The following MDGA2 variants were observed in gnomAD, a reference collection of about 807,000 sequenced individuals.
The protein encoded by MDGA2 is MAM domain-containing glycosylphosphatidylinositol anchor protein 2.
Under a neutral mutation model 117.8 loss-of-function variants are expected in MDGA2, and 40 were observed. The ratio of observed to expected loss-of-function variants is 0.34; its 90% confidence interval spans 0.26 to 0.44. The LOEUF is 0.44. Among genes scored for constraint, MDGA2 ranks in the 20% least tolerant of loss-of-function variants. The pLI is 1.00. For missense variants in MDGA2, 1,123 were observed against 1,250.6 expected, an observed-to-expected ratio of 0.90 and a Z score of 1.54; for synonymous variants, 452 against 439.0, an observed-to-expected ratio of 1.03 and a Z score of -0.37.
At chr14:47,043,864 T>C (rs35774341) in intron 7 of MDGA2, among the ~76,000 whole-genome samples, 48,715 of 151,980 alleles carry the variant, frequency 0.32, 8,540 homozygotes, top group East Asian at 0.52. Context: ...TTCTTTAAGG[T>C]CCAATTTAAG....
Position 46,874,034 on chromosome 14 carries a change from T to C in MDGA2, c.2593+11A>G, listed in dbSNP as rs548198016. The C allele has an allele frequency of 3.3e-5, 51 of 1,528,758 alleles. No individual in the cohort carries two copies. Among genetic ancestry groups the C allele is most frequent in the Non-Finnish European group, 3.1e-5 (36 of 1,147,346 alleles). 94.7% of individuals were successfully genotyped at this position (1,528,758 alleles called of 1,614,324 possible). On this transcript the variant is annotated intron_variant, in intron 13 of 16. Coordinates refer to ENST00000399232, the MANE Select transcript of MDGA2 (RefSeq NM_001113498.3). ...TGATTGCTATGAACACAAAAGGTCA[T>C]ACCCCCATACCTTCTTTGGAGCCAC...
intron 10 of MDGA2, among the ~76,000 whole-genome samples, chr14:46,918,289 AT>A (rs1883977534): frequency 6.6e-6 from 1 of 152,106 alleles, no homozygotes; most frequent in Non-Finnish European, 1.5e-5. Flanking sequence ...TAACAAAAAA[AT>A]GAATATGAAT....
At chr14:47,307,231 A>C (rs1256264607) in intron 1 of MDGA2, among the ~76,000 whole-genome samples, 2 of 151,658 alleles carry the variant, frequency 1.3e-5, no homozygotes, top group African/African-American at 4.9e-5. Flanking sequence ...ATTACATGAG[A>C]TCTCCCCCAC....
chr14:47,355,265 A>G (rs1890968330), intron 1 of MDGA2, among the ~76,000 whole-genome samples: 1 of 152,174 alleles, frequency 6.6e-6, no homozygotes, highest in East Asian at 1.9e-4. Flanking sequence ...TGAGGACCCA[A>G]AGGTATCAGG....
At chr14:47,604,119 C>T (rs1896697262) in intron 1 of MDGA2, among the ~76,000 whole-genome samples, 1 of 152,102 alleles carries the variant, frequency 6.6e-6, no homozygotes, top group Non-Finnish European at 1.5e-5. Context: ...AATATGAAAA[C>T]AGCCAAACAC....
intron 6 of MDGA2, among the ~76,000 whole-genome samples, chr14:47,081,336 C>T (rs1170508398): frequency 6.6e-6 from 1 of 152,012 alleles, no homozygotes; most frequent in Non-Finnish European, 1.5e-5. Context: ...GATAAGATGT[C>T]TCTAAGTATC....
intron 5 of MDGA2, among the ~76,000 whole-genome samples, chr14:47,107,905 G>A (rs1230185518): frequency 1.3e-5 from 2 of 151,484 alleles, no homozygotes; most frequent in Non-Finnish European, 2.9e-5. Flanking sequence ...GTCTGAGAAG[G>A]CCACCGCAGT....
intron 2 of MDGA2, among the ~76,000 whole-genome samples, chr14:47,289,064 T>C (rs989297904): frequency 6.6e-6 from 1 of 152,054 alleles, no homozygotes; most frequent in African/African-American, 2.4e-5. Context: ...ATTTGTAAGT[T>C]ATTAAACTTA....
chr14:47,580,887 A>G (rs1185957571), intron 1 of MDGA2, among the ~76,000 whole-genome samples: 1 of 152,008 alleles, frequency 6.6e-6, no homozygotes, highest in African/African-American at 2.4e-5. Flanking sequence ...ACATCAAAGG[A>G]GCATATATCA....
chr14:47,614,152 C>T (rs539658397), intron 1 of MDGA2, among the ~76,000 whole-genome samples: 3 of 134,084 alleles, frequency 2.2e-5, no homozygotes, highest in African/African-American at 5.7e-5. Flanking sequence ...TGCAATGGTG[C>T]GATCTCAGCT....
intron 1 of MDGA2, among the ~76,000 whole-genome samples, chr14:47,602,626 G>GC (rs1198507428): frequency 6.6e-6 from 1 of 151,964 alleles, no homozygotes; most frequent in Non-Finnish European, 1.5e-5. Context: ...ATTTCTTTTT[G>GC]CCCCCTTGGA....
chr14:46,866,193 G>T lies in MDGA2; in HGVS notation c.2752+7240C>A, dbSNP rs1226328730. ...AGCATGGTACTGGTACCAAAACAGA[G>T]ATATAGATCAATGGAACAGAACAGA... On this transcript the variant is annotated intron_variant, in intron 14 of 16. Transcript: ENST00000399232. Among the ~76,000 whole-genome samples the T allele has an allele frequency of 2.6e-5, 4 of 152,064 alleles. No homozygotes were observed. The South Asian group carries it at 8.3e-4, about 32-fold the overall frequency.
intron 4 of MDGA2, among the ~76,000 whole-genome samples, chr14:47,134,014 T>A (rs1372829282): frequency 1.3e-5 from 2 of 152,074 alleles, no homozygotes; most frequent in Admixed American, 6.6e-5. Context: ...AATAATTGTA[T>A]ACATTTAAGG....
chr14:47,329,483 A>G (rs945447331), intron 1 of MDGA2, among the ~76,000 whole-genome samples: 3 of 152,068 alleles, frequency 2.0e-5, no homozygotes, highest in African/African-American at 7.2e-5. Context: ...GAGTTTCTCA[A>G]AGTTGATATT....
intron 3 of MDGA2, among the ~76,000 whole-genome samples, chr14:47,199,436 T>C (rs1480254163): frequency 6.6e-6 from 1 of 152,208 alleles, no homozygotes; most frequent in Admixed American, 6.5e-5. Flanking sequence ...CACTTTCTAC[T>C]AATTTTTTGG....
At chr14:46,974,228 C>T (rs1261277470) in intron 8 of MDGA2, among the ~76,000 whole-genome samples, 1 of 152,010 alleles carries the variant, frequency 6.6e-6, no homozygotes, top group Admixed American at 6.6e-5. Flanking sequence ...AGAAACAAGA[C>T]ATAAATAAAT....
chr14:47,224,595 A>C (rs911056798), intron 2 of MDGA2, among the ~76,000 whole-genome samples: 2 of 152,172 alleles, frequency 1.3e-5, no homozygotes, highest in Non-Finnish European at 2.9e-5. Flanking sequence ...TACTCATGTC[A>C]ATGTGAGCAT....
intron 7 of MDGA2, among the ~76,000 whole-genome samples, chr14:47,050,466 G>A (rs146011558): frequency 2.6e-5 from 4 of 151,942 alleles, no homozygotes; most frequent in African/African-American, 9.7e-5. Context: ...GTTGACATGG[G>A]TGTTCACAAA....
At chr14:47,092,556 G>C (rs183278995) in intron 6 of MDGA2, among the ~76,000 whole-genome samples, 11 of 152,264 alleles carry the variant, frequency 7.2e-5, no homozygotes, top group African/African-American at 2.6e-4. Context: ...CCAAGGTGGA[G>C]AAAGGAGAAC....
Sources: allele counts gnomAD v4.1 joint callset (sites outside exome capture counted in the v4.1 genomes callset), GRCh38; gene constraint gnomAD v4.1.1; transcripts MANE v1.5; gene names NCBI Gene and HGNC (gene_info 2026-07-23, HGNC 2026-07-21).